KCNQ1: variants seen among roughly 807,000 people sequenced by gnomAD.
The protein encoded by KCNQ1 is potassium voltage-gated channel subfamily Q member 1.
A neutral mutation model predicts 72.4 loss-of-function variants in KCNQ1; 49 were observed. That is an observed-to-expected ratio of 0.68 (90% confidence interval 0.54 to 0.86). The LOEUF (loss-of-function observed/expected upper bound fraction) is 0.86, where lower values mean the gene tolerates loss of function less well. Among genes scored for constraint, KCNQ1 ranks in the 40% least tolerant of loss-of-function variants. The probability of loss-of-function intolerance (pLI) is 0.00; values close to 1 mark genes in which losing one functional copy is unlikely to be tolerated. For synonymous variants in KCNQ1, 450 were observed against 412.6 expected, an observed-to-expected ratio of 1.09 and a Z score of -1.10; for missense variants, 790 against 945.1, an observed-to-expected ratio of 0.84 and a Z score of 2.15.
In KCNQ1 at chr11:2,626,096, A is replaced by G. The variant is rs1191201284; in HGVS notation, c.1394-35865A>G. The G allele has an allele frequency of 2.5e-6, 1 of 398,346 alleles. No homozygotes were observed. The highest frequency in any genetic ancestry group is 2.1e-5 in the African/African-American group (1 of 48,586). The allele number at this position is 398,346 out of a possible 1,614,324, so 24.7% of individuals were successfully genotyped here. On this transcript the variant is annotated intron_variant, in intron 10 of 15. Transcript: ENST00000155840. The surrounding 1 kb of genome is among the most constrained non-coding windows in gnomAD (Gnocchi z 4.0). The stretch of plus-strand genomic sequence containing the variant: ...GTGCAAGTACAATTTATCTATTTTT[A>G]CTTTTATTGCCTGTGCCTTTGGTGT...
chr11:2,574,366 A>G (rs1358632150), intron 6 of KCNQ1, among the ~76,000 whole-genome samples: 1 of 150,782 alleles, frequency 6.6e-6, no homozygotes, highest in Non-Finnish European at 1.5e-5. Flanking sequence ...ATAACAGGTT[A>G]GATGGAATCG....
intron 10 of KCNQ1, among the ~76,000 whole-genome samples, chr11:2,590,988 A>G (rs1017030105): frequency 1.3e-4 from 20 of 152,160 alleles, no homozygotes; most frequent in African/African-American, 4.6e-4. Context: ...AATATGATCC[A>G]TTCCCTTCTC....
chr11:2,820,908 G>C (rs1846819250), intron 15 of KCNQ1, among the ~76,000 whole-genome samples: 3 of 152,214 alleles, frequency 2.0e-5, no homozygotes, highest in Non-Finnish European at 4.4e-5. Flanking sequence ...GCTGTCAAGG[G>C]GAGTGCCTAC....
chr11:2,643,195 T>C (rs1849606507), intron 10 of KCNQ1: 1 of 398,338 alleles, frequency 2.5e-6, no homozygotes, highest in East Asian at 3.6e-5. Flanking sequence ...AAAGTGCAGT[T>C]TAAATCCAAT....
chr11:2,633,585 A>T (rs1849399783), intron 10 of KCNQ1: 1 of 398,396 alleles, frequency 2.5e-6, no homozygotes, highest in Non-Finnish European at 4.4e-6. Flanking sequence ...TCTGCATATG[A>T]TATCCTGTTT....
At position 2,621,475 on chromosome 11, in the gene KCNQ1, T is replaced by C. The variant is rs1589986711; in HGVS notation, c.1393+32621T>C. ...TTGCCAGATGAATAGTTTGCAAATA[T>C]TTTTTCTCCCATTCTATATGTTGTC... is the stretch of plus-strand genomic sequence containing the variant. On this transcript the variant is annotated intron_variant, in intron 10 of 15. Coordinates refer to ENST00000155840, the MANE Select transcript of KCNQ1 (RefSeq NM_000218.3). The surrounding 1 kb of genome is among the most constrained non-coding windows in gnomAD (Gnocchi z 5.7). 2.5e-6 allele frequency: 1 copy of C among 397,972 alleles called. No homozygotes were observed. The allele number at this position is 397,972 out of a possible 1,614,324, so 24.7% of individuals were successfully genotyped here.
chr11:2,672,903 T>G, intron 11 of KCNQ1: 1 of 398,760 alleles, frequency 2.5e-6, no homozygotes, highest in Non-Finnish European at 4.4e-6. Context: ...TATGTGGCAC[T>G]TGAGGCCTTG....
intron 10 of KCNQ1, chr11:2,609,065 T>C (rs1482082856): frequency 2.5e-6 from 1 of 398,334 alleles, no homozygotes; most frequent in Non-Finnish European, 4.4e-6. Context: ...TTTTTTCTAC[T>C]TGCTTTAGGT....
rs977950148 is a variant in KCNQ1 at position 2,458,442 on chromosome 11, G to A, written c.386+12958G>A. On this transcript the variant is annotated intron_variant, in intron 1 of 15. Transcript: ENST00000155840. The surrounding 1 kb of genome is among the most constrained non-coding windows in gnomAD (Gnocchi z 4.6). Reference sequence around the variant, plus strand: ...TGTAACTCGGGGAAACCCAGTAGCTGATGGGGTTGCGTCCTTCTTTGGGAC... The same window carrying A: ...TGTAACTCGGGGAAACCCAGTAGCTAATGGGGTTGCGTCCTTCTTTGGGAC... Among the ~76,000 whole-genome samples, 2 of 152,240 alleles carry A rather than the reference G, an allele frequency of 1.3e-5. No homozygotes were observed. Among genetic ancestry groups the A allele is most frequent in the African/African-American group, 4.8e-5 (2 of 41,460 alleles).
intron 2 of KCNQ1, among the ~76,000 whole-genome samples, chr11:2,548,804 C>T (rs117340147): frequency 2.0e-5 from 3 of 152,332 alleles, no homozygotes; most frequent in East Asian, 3.9e-4. Flanking sequence ...TGCCCACGCA[C>T]GTACACACAC....
chr11:2,576,491 C>T lies in KCNQ1; in HGVS notation c.921+3505C>T, dbSNP rs560580554. Among the ~76,000 whole-genome samples, 18 of 152,332 alleles carry T rather than the reference C, an allele frequency of 1.2e-4. No homozygotes were observed. In the East Asian group the frequency reaches 1.9e-3, roughly 16 times the overall value. ...AACACGGGCTTCTCTGTTCAGCGCC[C>T]GGGGGTCTCTACAAACAGGAGGCTG... On this transcript the variant is annotated intron_variant, in intron 6 of 15. Transcript: ENST00000155840.
chr11:2,786,354 G>A (rs1408016251), intron 15 of KCNQ1, among the ~76,000 whole-genome samples: 1 of 152,122 alleles, frequency 6.6e-6, no homozygotes, highest in Non-Finnish European at 1.5e-5. Flanking sequence ...TTCTCTGGCT[G>A]CCTTTAAGAT....
At chr11:2,662,896 T>C in intron 11 of KCNQ1, 1 of 398,720 alleles carries the variant, frequency 2.5e-6, no homozygotes, top group East Asian at 3.6e-5. Context: ...TTCTTTGGAC[T>C]CTCTGGGGGT....
rs779649208 is a variant in KCNQ1 at position 2,549,488 on chromosome 11, G to C, written c.478-21140G>C. Among the ~76,000 whole-genome samples, 5 of 152,212 alleles carry C rather than the reference G, an allele frequency of 3.3e-5. No homozygotes were observed. Among genetic ancestry groups the C allele is most frequent in the African/African-American group, 1.2e-4 (5 of 41,444 alleles). On this transcript the variant is annotated intron_variant, in intron 2 of 15. Transcript: ENST00000155840. The surrounding 1 kb of genome is among the most constrained non-coding windows in gnomAD (Gnocchi z 6.2). ...CCAGAAGACATGGGGCCCTCGAGGA[G>C]GGTCCCCCGGGGGCTGCAAAAGCAG...
chr11:2,587,128 C>T (rs1267922662), intron 8 of KCNQ1, among the ~76,000 whole-genome samples: 1 of 152,216 alleles, frequency 6.6e-6, no homozygotes, highest in Non-Finnish European at 1.5e-5. Flanking sequence ...CTGCTCAGCA[C>T]CTGCAGGTCC....
At chr11:2,576,734 G>A (rs1352414726) in intron 6 of KCNQ1, among the ~76,000 whole-genome samples, 4 of 152,238 alleles carry the variant, frequency 2.6e-5, no homozygotes, top group Admixed American at 6.5e-5. Flanking sequence ...AGGGGTGTGC[G>A]TGAGGGCAGG....
At chr11:2,844,514 T>C (rs1848280083) in intron 15 of KCNQ1, among the ~76,000 whole-genome samples, 1 of 152,206 alleles carries the variant, frequency 6.6e-6, no homozygotes, top group Non-Finnish European at 1.5e-5. Context: ...AGCCCTTCAG[T>C]GTCCGTCGGA....
chr11:2,588,874 T>C lies in KCNQ1; in HGVS notation c.1393+20T>C. 6.2e-7 allele frequency: 1 copy of C among 1,610,162 alleles called. No individual in the cohort carries two copies. The highest frequency in any genetic ancestry group is 1.1e-5 in the South Asian group (1 of 90,876). ...GTTCTGGTGAGAACCCCTCAGGCAG[T>C]TGGGGGCCGCGGGGCCGGGAAGGTC... On this transcript the variant is annotated intron_variant, in intron 10 of 15. Transcript: ENST00000155840. The surrounding 1 kb of genome is among the most constrained non-coding windows in gnomAD (Gnocchi z 5.6).
intron 10 of KCNQ1, among the ~76,000 whole-genome samples, chr11:2,589,675 G>T (rs1848646003): frequency 6.6e-6 from 1 of 152,200 alleles, no homozygotes; most frequent in African/African-American, 2.4e-5. Flanking sequence ...AGCAGTGTCT[G>T]GTTGTGGCCC....
Sources: allele counts gnomAD v4.1 joint callset (sites outside exome capture counted in the v4.1 genomes callset), GRCh38; gene constraint gnomAD v4.1.1; non-coding constraint Gnocchi (gnomAD v3.1); transcripts MANE v1.5; gene names NCBI Gene and HGNC (gene_info 2026-07-23, HGNC 2026-07-21).